The following MSI2 variants were observed in gnomAD, a reference collection of about 807,000 sequenced individuals.
The protein encoded by MSI2 is musashi RNA binding protein 2.
In MSI2, 17 loss-of-function variants were observed where a neutral mutation model predicts 45.6. The observed-to-expected ratio is 0.37, with a 90% CI of 0.26 to 0.56. The LOEUF is 0.56. Among genes scored for constraint, MSI2 ranks in the 20% least tolerant of loss-of-function variants. The pLI is 0.77. For missense variants in MSI2, 293 were observed against 444.2 expected (o/e 0.66, Z 3.06); for synonymous variants, 156 against 158.2 (o/e 0.99, Z 0.11).
intron 6 of MSI2, among the ~76,000 whole-genome samples, chr17:57,447,850 A>G (rs1435208508): frequency 3.3e-5 from 5 of 152,182 alleles, no homozygotes; most frequent in Non-Finnish European, 5.9e-5. Context: ...CTTTGGGGCT[A>G]TGAACCATGA....
At chr17:57,460,378 G>T (rs900494566) in intron 6 of MSI2, among the ~76,000 whole-genome samples, 1 of 151,006 alleles carries the variant, frequency 6.6e-6, no homozygotes, top group African/African-American at 2.4e-5. Flanking sequence ...GAAAGGAAAG[G>T]AAAAAGAGAG....
At chr17:57,476,340 G>A (rs2085537087) in intron 6 of MSI2, among the ~76,000 whole-genome samples, 1 of 152,222 alleles carries the variant, frequency 6.6e-6, no homozygotes, top group East Asian at 1.9e-4. Context: ...CCCTGAGCCT[G>A]GATGGAGGTT....
rs201686471 is a variant in MSI2, at chr17:57,346,344, AT to A, written c.313-55031del. On this transcript the variant is annotated intron_variant, in intron 5 of 13. Coordinates refer to ENST00000284073, the MANE Select transcript of MSI2 (RefSeq NM_138962.4). ...AGGACTTGAGACATGTAAATAACAC[AT>A]TTTGGGGGGGGGGGTCTGATTTTTT... Among the ~76,000 whole-genome samples the A allele has an allele frequency of 8.4e-4, 82 of 97,244 alleles. 1 individual carries two copies. The highest frequency in any genetic ancestry group is 2.7e-3 in the African/African-American group (76 of 28,316). 63.8% of individuals were successfully genotyped at this position (97,244 alleles called of 152,430 possible).
chr17:57,563,012 C>T (rs997105054), intron 7 of MSI2, among the ~76,000 whole-genome samples: 4 of 147,796 alleles, frequency 2.7e-5, no homozygotes, highest in Non-Finnish European at 5.9e-5. Context: ...ACAGGAGAAT[C>T]GCTTGAATCC....
rs574558122 is a variant in MSI2, at chr17:57,684,152, C to T, written c.*4635C>T. The T allele has an allele frequency of 1.2e-4, 27 of 217,006 alleles. 2 individuals carry two copies. The South Asian group carries it at 4.8e-3, about 39-fold the overall frequency. 13.4% of individuals were successfully genotyped at this position (217,006 alleles called of 1,614,324 possible). ...GAGAGACAAAAGTTCCAGAGCCTCC[C>T]TCGAAGGTTCTCTACTACTGTATTC... On this transcript the variant is annotated 3_prime_UTR_variant, in exon 14 of 14. Transcript: ENST00000284073.
intron 6 of MSI2, among the ~76,000 whole-genome samples, chr17:57,405,026 A>G (rs1294748740): frequency 6.6e-6 from 1 of 152,030 alleles, no homozygotes; most frequent in Non-Finnish European, 1.5e-5. Context: ...CCCAGGGGTG[A>G]AGATGGCATT....
intron 6 of MSI2, among the ~76,000 whole-genome samples, chr17:57,410,140 C>T (rs902593215): frequency 6.6e-6 from 1 of 151,714 alleles, no homozygotes; most frequent in African/African-American, 2.4e-5. Context: ...CTGGGTTTGC[C>T]TGTGACTAAG....
chr17:57,276,430 C>T (rs997325574), intron 5 of MSI2, among the ~76,000 whole-genome samples: 3 of 152,246 alleles, frequency 2.0e-5, no homozygotes, highest in Non-Finnish European at 2.9e-5. Context: ...CCAGTTTAGA[C>T]CTCAGTTGCT....
chr17:57,311,533 A>G (rs1912398782), intron 5 of MSI2, among the ~76,000 whole-genome samples: 1 of 152,194 alleles, frequency 6.6e-6, no homozygotes, highest in South Asian at 2.1e-4. Flanking sequence ...CTGAAAGGAC[A>G]GAATGAAAGC....
chr17:57,449,967 A>G (rs2084966509), intron 6 of MSI2: 2 of 152,210 alleles, frequency 1.3e-5, no homozygotes. Flanking sequence ...CGGAGGTTGC[A>G]GTGAGCCTAG....
intron 6 of MSI2, among the ~76,000 whole-genome samples, chr17:57,406,160 A>AT (rs2084077211): frequency 6.6e-6 from 1 of 152,158 alleles, no homozygotes; most frequent in Admixed American, 6.5e-5. Context: ...TGTGTTCCTG[A>AT]TTCCATACAC....
chr17:57,692,251 T>C, the MSI2 span, among the ~76,000 whole-genome samples: 1 of 152,226 alleles, frequency 6.6e-6, no homozygotes, highest in African/African-American at 2.4e-5. Context: ...TTCTGTTTGC[T>C]AATATGTTCT....
At chr17:57,256,991 T>TCTCGCTCG in intron 1 of MSI2, 107 bp from the exon 2 acceptor site, 1 of 1,536,406 alleles carries the variant, frequency 6.5e-7, no homozygotes, top group South Asian at 1.1e-5. Context: ...ACCTCCCGGC[T>TCTCGCTCG]CTCGCTCGCT....
intron 7 of MSI2, among the ~76,000 whole-genome samples, chr17:57,561,376 T>A (rs913004885): frequency 1.3e-5 from 2 of 152,114 alleles, no homozygotes; most frequent in Non-Finnish European, 2.9e-5. Flanking sequence ...GCCCCAGATA[T>A]CACAAAAATC....
chr17:57,481,750 G>C (rs2085652397), intron 6 of MSI2, among the ~76,000 whole-genome samples: 1 of 152,180 alleles, frequency 6.6e-6, no homozygotes, highest in Non-Finnish European at 1.5e-5. Context: ...GTAAGACTCG[G>C]CCTCAAAGGA....
intron 6 of MSI2, among the ~76,000 whole-genome samples, chr17:57,504,134 T>C (rs1200754401): frequency 6.6e-6 from 1 of 152,180 alleles, no homozygotes; most frequent in Non-Finnish European, 1.5e-5. Context: ...ATCCTCCTCC[T>C]TCATGATGCT....
intron 6 of MSI2, among the ~76,000 whole-genome samples, chr17:57,488,640 T>C (rs2085803154): frequency 6.6e-6 from 1 of 152,120 alleles, no homozygotes; most frequent in Non-Finnish European, 1.5e-5. Flanking sequence ...CTGGCTAATA[T>C]GGTGAAACCC....
intron 3 of MSI2, 128 bp downstream of exon 3, chr17:57,257,675 C>A: frequency 1.6e-6 from 1 of 637,906 alleles, no homozygotes; most frequent in Non-Finnish European, 2.7e-6. Context: ...TCTCGAACGG[C>A]GCTCTATACC....
At chr17:57,699,846 C>T in the MSI2 span, among the ~76,000 whole-genome samples, 7 of 152,246 alleles carry the variant, frequency 4.6e-5, no homozygotes, top group African/African-American at 1.7e-4. Context: ...TCCTGCTGCC[C>T]TCGCCACCCC....
Sources: allele counts gnomAD v4.1 joint callset (sites outside exome capture counted in the v4.1 genomes callset), GRCh38; gene constraint gnomAD v4.1.1; transcripts MANE v1.5; gene names NCBI Gene and HGNC (gene_info 2026-07-23, HGNC 2026-07-21).